The following CCDC7 variants were observed in gnomAD, a reference collection of about 807,000 sequenced individuals.
CCDC7 encodes the protein coiled-coil domain-containing protein 7.
CCDC7 carries 183 observed loss-of-function variants against 196.9 expected under a neutral mutation model. The ratio of observed to expected loss-of-function variants is 0.93; its 90% CI spans 0.82 to 1.05. CCDC7 has a LOEUF of 1.05. Ranked by LOEUF, CCDC7 falls within the 50% of genes least tolerant of loss-of-function variation. CCDC7 has a pLI of 0.00. For missense variants in CCDC7, 1,540 were observed against 1,482.2 expected (o/e 1.04, Z -0.64); for synonymous variants, 525 against 484.6 (o/e 1.08, Z -1.10).
chr10:32,767,153 A>G (rs991101641), intron 28 of CCDC7, among the ~76,000 whole-genome samples: 8 of 151,670 alleles, frequency 5.3e-5, no homozygotes, highest in African/African-American at 1.7e-4. Flanking sequence ...TAGCCAACAC[A>G]CCTCCCACTG....
At chr10:32,795,448 G>A (rs564033070) in intron 29 of CCDC7, among the ~76,000 whole-genome samples, 6 of 152,124 alleles carry the variant, frequency 3.9e-5, no homozygotes, top group Non-Finnish European at 5.9e-5. Flanking sequence ...TTAAATTTCT[G>A]TGATAGATTT....
At chr10:32,524,071 C>CT (rs35310138) in intron 11 of CCDC7, among the ~76,000 whole-genome samples, 68,422 of 136,664 alleles carry the variant, frequency 0.5, 17,900 homozygotes, top group Non-Finnish European at 0.61. Flanking sequence ...TTCCTTCTGT[C>CT]TTTTTTTTTT....
chr10:32,707,743 A>G (rs2080043777), intron 24 of CCDC7, among the ~76,000 whole-genome samples: 1 of 152,156 alleles, frequency 6.6e-6, no homozygotes, highest in Non-Finnish European at 1.5e-5. Flanking sequence ...AGAATAAAAC[A>G]CCTGGGAATC....
chr10:32,499,436 A>T (rs1248262156), intron 9 of CCDC7: 1 of 152,162 alleles, frequency 6.6e-6, no homozygotes, highest in Non-Finnish European at 1.5e-5. Context: ...TCTTCTGCTA[A>T]TAAATCTCCT....
At chr10:32,779,890 T>C (rs1055726479) in intron 29 of CCDC7, among the ~76,000 whole-genome samples, 2 of 152,112 alleles carry the variant, frequency 1.3e-5, no homozygotes, top group African/African-American at 4.8e-5. Flanking sequence ...AAAGCCAGTA[T>C]GAAAAGAATA....
intron 18 of CCDC7, among the ~76,000 whole-genome samples, chr10:32,600,714 A>G (rs749152966): frequency 6.6e-6 from 1 of 152,170 alleles, no homozygotes; most frequent in African/African-American, 2.4e-5. Flanking sequence ...ATTATTTCTT[A>G]TTAATTTGTC....
chr10:32,733,442 T>G (rs2084324957), intron 28 of CCDC7, among the ~76,000 whole-genome samples: 1 of 152,094 alleles, frequency 6.6e-6, no homozygotes, highest in Non-Finnish European at 1.5e-5. Context: ...TAAATTTGCA[T>G]TTTCAAAAAG....
chr10:32,610,804 T>G (rs111427483), intron 18 of CCDC7, among the ~76,000 whole-genome samples: 3 of 152,310 alleles, frequency 2.0e-5, no homozygotes, highest in African/African-American at 7.2e-5. Context: ...TGCCACATTT[T>G]CTTTATCCAG....
intron 25 of CCDC7, among the ~76,000 whole-genome samples, chr10:32,712,741 A>G (rs2081029816): frequency 6.6e-6 from 1 of 152,214 alleles, no homozygotes; most frequent in South Asian, 2.1e-4. Flanking sequence ...CAATTGGTAC[A>G]TACCAAGTTC....
intron 28 of CCDC7, among the ~76,000 whole-genome samples, chr10:32,733,705 CCACT>C (rs762666343): frequency 1.3e-4 from 20 of 151,994 alleles, no homozygotes; most frequent in Non-Finnish European, 2.5e-4. Context: ...TTAATTTCTC[CCACT>C]GTGATTATGG....
chr10:32,466,260 T>A (rs1424049586), intron 5 of CCDC7, among the ~76,000 whole-genome samples: 2 of 151,744 alleles, frequency 1.3e-5, no homozygotes, highest in Non-Finnish European at 2.9e-5. Flanking sequence ...CTCTCTCTTT[T>A]TTTTTTTTTT....
At chr10:32,781,339 G>A (rs1363968269) in intron 29 of CCDC7, among the ~76,000 whole-genome samples, 1 of 152,120 alleles carries the variant, frequency 6.6e-6, no homozygotes, top group Non-Finnish European at 1.5e-5. Flanking sequence ...ACTAAAGTCA[G>A]AAATGCTATA....
chr10:32,570,531 C>T (rs2057409617), intron 15 of CCDC7, among the ~76,000 whole-genome samples: 1 of 152,192 alleles, frequency 6.6e-6, no homozygotes, highest in African/African-American at 2.4e-5. Context: ...CAAGGAAGTT[C>T]AAGGTCAGTC....
chr10:32,698,915 G>T (rs1250371643), intron 24 of CCDC7, among the ~76,000 whole-genome samples: 1 of 152,132 alleles, frequency 6.6e-6, no homozygotes, highest in Non-Finnish European at 1.5e-5. Context: ...GATTCACCAA[G>T]GTTGAAATGA....
At chr10:32,854,141 C>A (rs772031784) in intron 40 of CCDC7, among the ~76,000 whole-genome samples, 1 of 152,070 alleles carries the variant, frequency 6.6e-6, no homozygotes, top group Non-Finnish European at 1.5e-5. Flanking sequence ...ATTTGGTTTT[C>A]TGATCCTATG....
At chr10:32,522,653 C>A (rs970878379) in intron 11 of CCDC7, among the ~76,000 whole-genome samples, 1 of 151,982 alleles carries the variant, frequency 6.6e-6, no homozygotes, top group African/African-American at 2.4e-5. Flanking sequence ...TTTTCTTCAT[C>A]AGAAATTCAT....
At chr10:32,607,589 G>T (rs1168262042) in intron 18 of CCDC7, among the ~76,000 whole-genome samples, 2 of 152,080 alleles carry the variant, frequency 1.3e-5, no homozygotes, top group African/African-American at 4.8e-5. Context: ...GATAATCAGT[G>T]GTTTCTGTCC....
At chr10:32,599,212 T>C (rs1298161219) in intron 18 of CCDC7, among the ~76,000 whole-genome samples, 1 of 152,222 alleles carries the variant, frequency 6.6e-6, no homozygotes, top group Non-Finnish European at 1.5e-5. Flanking sequence ...TTGTTTGATA[T>C]TAGTGTAGCC....
chr10:32,873,917 C>T (rs1011574644), intron 41 of CCDC7, among the ~76,000 whole-genome samples: 7 of 151,662 alleles, frequency 4.6e-5, no homozygotes, highest in Admixed American at 3.3e-4. Flanking sequence ...TTATGATAGT[C>T]ATTGTAGCAG....
Sources: allele counts gnomAD v4.1 joint callset (sites outside exome capture counted in the v4.1 genomes callset), GRCh38; gene constraint gnomAD v4.1.1; transcripts MANE v1.5; gene names NCBI Gene and HGNC (gene_info 2026-07-23, HGNC 2026-07-21).